The following CNTN1 variants were observed in gnomAD, a reference collection of about 807,000 sequenced individuals.
CNTN1 encodes the protein contactin-1.
A neutral mutation model predicts 126.4 loss-of-function variants in CNTN1; 38 were observed. That is an observed-to-expected ratio of 0.30 (90% CI 0.23 to 0.39). CNTN1 has a LOEUF of 0.39. Ranked by LOEUF, CNTN1 falls within the 10% of genes least tolerant of loss-of-function variation. CNTN1 has a pLI of 1.00. For missense variants in CNTN1, 1,009 were observed against 1,248.4 expected (o/e 0.81, Z 2.89); for synonymous variants, 413 against 422.6 (o/e 0.98, Z 0.28).
chr12:40,844,020 A>G (rs1942390838), intron 1 of CNTN1, among the ~76,000 whole-genome samples: 1 of 146,420 alleles, frequency 6.8e-6, no homozygotes, highest in Non-Finnish European at 1.5e-5. Flanking sequence ...AATATTGTTA[A>G]TTTTGTAATA....
chr12:40,925,627 A>ACG lies in CNTN1; in HGVS notation c.496+975_496+976insCG, dbSNP rs1337932430. 4.4e-3 allele frequency among the ~76,000 whole-genome samples: 608 copies of ACG among 136,740 alleles called. 12 individuals carry two copies. The highest frequency in any genetic ancestry group is 0.016 in the African/African-American group (564 of 35,526). 89.7% of individuals were successfully genotyped at this position (136,740 alleles called of 152,430 possible). A position where few individuals can be genotyped will look rare whatever the true frequency, so the allele number is the denominator to read the frequency against. On this transcript the variant is annotated intron_variant, in intron 6 of 23. Transcript: ENST00000551295. ...TATACGTGTATATATATATATACAC[A>ACG]TATATATATATAGAGAGAGAGAGTT...
chr12:40,948,945 G>A (rs982517499), intron 14 of CNTN1, among the ~76,000 whole-genome samples: 1 of 152,186 alleles, frequency 6.6e-6, no homozygotes, highest in African/African-American at 2.4e-5. Context: ...TGCTAGGTGT[G>A]TGTTTGCAGG....
chr12:41,020,552 T>G (rs1051482404), intron 20 of CNTN1, 112 bp downstream of exon 20: 3 of 712,418 alleles, frequency 4.2e-6, no homozygotes, highest in African/African-American at 3.6e-5. Flanking sequence ...CAACTAATAC[T>G]TTATTCTCTG....
At chr12:40,869,727 C>T (rs79554394) in intron 1 of CNTN1, among the ~76,000 whole-genome samples, 2,916 of 152,158 alleles carry the variant, frequency 0.019, 97 homozygotes, top group African/African-American at 0.066. Flanking sequence ...TATCATGTTG[C>T]TTTCATGGTT....
intron 1 of CNTN1, among the ~76,000 whole-genome samples, chr12:40,696,764 AAT>A (rs1941461868): frequency 6.6e-6 from 1 of 152,220 alleles, no homozygotes; most frequent in African/African-American, 2.4e-5. Flanking sequence ...AATTGAAAAT[AAT>A]ATCTTATTAT....
chr12:40,785,730 G>A lies in CNTN1; in HGVS notation c.-77+93138G>A, dbSNP rs528212012. On this transcript the variant is annotated intron_variant, in intron 1 of 23. Transcript: ENST00000551295. The stretch of plus-strand genomic sequence containing the variant: ...ACAATGGTGGAATGTCATCAGTTAA[G>A]GCTATTTTCACTTCTTTTGTGGATC... 3.9e-5 allele frequency among the ~76,000 whole-genome samples: 6 copies of A among 152,266 alleles called. No homozygotes were observed. In the East Asian group the frequency reaches 1.2e-3, roughly 30 times the overall value.
chr12:40,775,214 A>G (rs555451712), intron 1 of CNTN1, among the ~76,000 whole-genome samples: 8 of 151,582 alleles, frequency 5.3e-5, no homozygotes, highest in African/African-American at 1.7e-4. Context: ...GATTTTAAAA[A>G]TAACTTTAGA....
At chr12:40,844,594 C>A (rs1265915032) in intron 1 of CNTN1, among the ~76,000 whole-genome samples, 1 of 152,072 alleles carries the variant, frequency 6.6e-6, no homozygotes, top group Non-Finnish European at 1.5e-5. Context: ...CCTCTCTAAT[C>A]CTTCACCAAG....
intron 17 of CNTN1, among the ~76,000 whole-genome samples, chr12:41,011,668 C>A (rs189509251): frequency 6.6e-6 from 1 of 152,268 alleles, no homozygotes; most frequent in African/African-American, 2.4e-5. Flanking sequence ...GACTTTGGGG[C>A]TCTCTGAAAA....
At chr12:40,722,670 G>A (rs567646766) in intron 1 of CNTN1, among the ~76,000 whole-genome samples, 15 of 152,132 alleles carry the variant, frequency 9.9e-5, no homozygotes, top group Admixed American at 3.3e-4. Flanking sequence ...TATATAGTAT[G>A]GATTTTGTGG....
intron 1 of CNTN1, among the ~76,000 whole-genome samples, chr12:40,842,105 C>A (rs1222915188): frequency 6.6e-6 from 1 of 151,902 alleles, no homozygotes; most frequent in Non-Finnish European, 1.5e-5. Flanking sequence ...TTAAAAAGGT[C>A]ACTTTGCTTG....
intron 1 of CNTN1, among the ~76,000 whole-genome samples, chr12:40,728,343 C>G (rs1484428593): frequency 6.6e-6 from 1 of 152,158 alleles, no homozygotes; most frequent in East Asian, 1.9e-4. Context: ...GTTTCATTCT[C>G]ATGTTGAAGA....
intron 1 of CNTN1, among the ~76,000 whole-genome samples, chr12:40,902,985 G>T (rs185764251): frequency 6.6e-5 from 10 of 152,300 alleles, no homozygotes; most frequent in Non-Finnish European, 1.0e-4. Flanking sequence ...AAAGAAAGAC[G>T]AAGATGTGTC....
intron 1 of CNTN1, among the ~76,000 whole-genome samples, chr12:40,773,049 C>A (rs1939407765): frequency 6.6e-6 from 1 of 151,744 alleles, no homozygotes; most frequent in Admixed American, 6.6e-5. Context: ...CTTAGATAGG[C>A]AAATGTGTAT....
At chr12:40,739,477 T>G (rs1173370081) in intron 1 of CNTN1, among the ~76,000 whole-genome samples, 2 of 152,056 alleles carry the variant, frequency 1.3e-5, no homozygotes, top group East Asian at 3.9e-4. Flanking sequence ...GATGTCAGAT[T>G]TAGCAAATAA....
intron 23 of CNTN1, among the ~76,000 whole-genome samples, chr12:41,045,390 G>T (rs1246665880): frequency 6.6e-6 from 1 of 151,982 alleles, no homozygotes; most frequent in Non-Finnish European, 1.5e-5. Flanking sequence ...AAAGGGAGTT[G>T]GGTTTTAAAT....
intron 1 of CNTN1, among the ~76,000 whole-genome samples, chr12:40,776,179 G>A (rs1388826477): frequency 1.3e-5 from 2 of 151,396 alleles, no homozygotes; most frequent in East Asian, 3.9e-4. Flanking sequence ...TAGTTTCTGT[G>A]TTATACTAGC....
At chr12:40,890,269 C>T (rs576348551) in intron 1 of CNTN1, among the ~76,000 whole-genome samples, 44 of 152,264 alleles carry the variant, frequency 2.9e-4, no homozygotes, top group African/African-American at 1.0e-3. Context: ...TGTCTCCTCA[C>T]ACATAGCCTC....
At chr12:40,709,443 T>A (rs1393791811) in intron 1 of CNTN1, among the ~76,000 whole-genome samples, 1 of 152,208 alleles carries the variant, frequency 6.6e-6, no homozygotes, top group Non-Finnish European at 1.5e-5. Flanking sequence ...GAATGCTAAA[T>A]GAGTATTGGC....
Sources: gnomAD v4.1 joint callset for allele counts (sites outside exome capture counted in the v4.1 genomes callset) on GRCh38, gnomAD v4.1.1 for gene constraint, MANE v1.5 for transcripts, NCBI Gene and HGNC (gene_info 2026-07-23, HGNC 2026-07-21) for gene names.